The following CSMD1 variants were observed in gnomAD, a reference collection of about 807,000 sequenced individuals.
CSMD1 encodes CUB and sushi domain-containing protein 1.
In CSMD1, 213 loss-of-function variants were observed where a neutral mutation model predicts 417.5. The observed-to-expected ratio is 0.51, with a 90% CI of 0.46 to 0.57. CSMD1 has a LOEUF of 0.57. Among genes scored for constraint, CSMD1 ranks in the 20% least tolerant of loss-of-function variants. The probability of loss-of-function intolerance (pLI) is 0.00; values close to 1 mark genes in which losing one functional copy is unlikely to be tolerated. For missense variants in CSMD1, 6,923 were observed against 4,529.7 expected (o/e 1.53, Z -15.17); for synonymous variants, 2,862 against 1,736.8 (o/e 1.65, Z -16.11).
At chr8:4,905,849 G>A (rs1036424739) in intron 1 of CSMD1, among the ~76,000 whole-genome samples, 42 of 141,888 alleles carry the variant, frequency 3.0e-4, no homozygotes, top group Admixed American at 1.0e-3. Context: ...AAAAGAAAAA[G>A]TAAAAAAGAA....
intron 23 of CSMD1, among the ~76,000 whole-genome samples, chr8:3,336,896 G>C (rs184433207): frequency 1.3e-5 from 2 of 152,032 alleles, no homozygotes; most frequent in African/African-American, 4.8e-5. Flanking sequence ...AGTCCAACAA[G>C]CCTTCTCCAA....
At position 4,478,635 on chromosome 8, in the gene CSMD1, G is replaced by A. The variant is rs1257758131; in HGVS notation, c.303-58570C>T. Among the ~76,000 whole-genome samples the A allele has an allele frequency of 2.6e-5, 4 of 152,200 alleles. No homozygotes were observed. The East Asian group carries it at 5.8e-4, about 22-fold the overall frequency. On this transcript the variant is annotated intron_variant, in intron 2 of 69. Coordinates refer to ENST00000635120, the MANE Select transcript of CSMD1 (RefSeq NM_033225.6). ...GCAGGGCGTTATAAACTATCAGAGA[G>A]GAAACTATAAATTTTCTAATGTCAA...
At chr8:4,766,920 A>G (rs1480253304) in intron 1 of CSMD1, among the ~76,000 whole-genome samples, 7 of 152,228 alleles carry the variant, frequency 4.6e-5, no homozygotes, top group Non-Finnish European at 1.0e-4. Context: ...ATTAGGCCCT[A>G]TTAAAAATAT....
intron 1 of CSMD1, among the ~76,000 whole-genome samples, chr8:4,867,507 C>T (rs924979234): frequency 6.6e-6 from 1 of 152,104 alleles, no homozygotes; most frequent in South Asian, 2.1e-4. Context: ...TCCCAGCCAA[C>T]CTCGGATATA....
At chr8:4,993,647 G>C (rs1012504443) in intron 1 of CSMD1, among the ~76,000 whole-genome samples, 6 of 152,164 alleles carry the variant, frequency 3.9e-5, no homozygotes, top group African/African-American at 1.4e-4. Context: ...ATCTGACTTG[G>C]AAGCCGGTCC....
chr8:4,932,215 CATTTT>C (rs1193455751), intron 1 of CSMD1, among the ~76,000 whole-genome samples: 1 of 150,800 alleles, frequency 6.6e-6, no homozygotes, highest in East Asian at 1.9e-4. Context: ...TTGCTCCCTT[CATTTT>C]ATTTTGGGAA....
chr8:4,129,838 T>G (rs1802989399), intron 3 of CSMD1, among the ~76,000 whole-genome samples: 1 of 152,214 alleles, frequency 6.6e-6, no homozygotes, highest in South Asian at 2.1e-4. Flanking sequence ...CACCTTTTCT[T>G]TCCTAGATGG....
chr8:4,462,405 G>T (rs1284649883), intron 2 of CSMD1, among the ~76,000 whole-genome samples: 1 of 151,980 alleles, frequency 6.6e-6, no homozygotes, highest in African/African-American at 2.4e-5. Flanking sequence ...ATATAGATAA[G>T]ATGGCAATAC....
At chr8:4,208,529 T>C (rs956883332) in intron 3 of CSMD1, among the ~76,000 whole-genome samples, 5 of 152,236 alleles carry the variant, frequency 3.3e-5, no homozygotes, top group Admixed American at 6.5e-5. Flanking sequence ...TAAGAACAGA[T>C]TATATTTTTA....
At position 2,951,142 on chromosome 8, in the gene CSMD1, T is replaced by G. The variant is rs555329320; in HGVS notation, c.10173A>C (p.Glu3391Asp). The G allele has an allele frequency of 1.2e-6, 2 of 1,613,532 alleles. No individual in the cohort carries two copies. The highest frequency in any genetic ancestry group is 2.7e-5 in the African/African-American group (2 of 75,044). ...TCAACTTCAGCTCCACTGGCGAGGC[T>G]TCGCTGAAGGTGGCATTCACCTTAC... ...TSSKVNATFS[E>D]ASPVELKLTG... The change falls in exon 66 of 70, where the codon GAA becomes GAC. Residue 3391 changes from glutamate (E) to aspartate (D), a missense_variant. Glu to Asp is a conservative substitution (Grantham distance 45). Coordinates refer to ENST00000635120, the MANE Select transcript of CSMD1 (RefSeq NM_033225.6).
At chr8:4,439,338 C>T (rs1798330091) in intron 2 of CSMD1, among the ~76,000 whole-genome samples, 1 of 152,052 alleles carries the variant, frequency 6.6e-6, no homozygotes, top group South Asian at 2.1e-4. Context: ...TATAATTATT[C>T]AAAATTAAAG....
intron 3 of CSMD1, among the ~76,000 whole-genome samples, chr8:4,271,236 G>C (rs17334856): frequency 6.6e-6 from 1 of 152,104 alleles, no homozygotes; most frequent in Non-Finnish European, 1.5e-5. Flanking sequence ...ACACGAATCA[G>C]GGCGTAGTGG....
intron 2 of CSMD1, among the ~76,000 whole-genome samples, chr8:4,466,205 A>T (rs1214709946): frequency 6.6e-6 from 1 of 152,186 alleles, no homozygotes; most frequent in Admixed American, 6.5e-5. Flanking sequence ...TGATGCTTTT[A>T]TAATAGTGAG....
chr8:3,502,468 G>C (rs1004031577), intron 10 of CSMD1, among the ~76,000 whole-genome samples: 4 of 151,820 alleles, frequency 2.6e-5, no homozygotes, highest in African/African-American at 9.7e-5. Context: ...CAACCAATAT[G>C]TCCTTCAGCA....
chr8:4,656,683 G>T (rs76404259), intron 1 of CSMD1, among the ~76,000 whole-genome samples: 2,467 of 152,226 alleles, frequency 0.016, 39 homozygotes, highest in South Asian at 0.056. Context: ...GAATACAACT[G>T]CCCAGTTACC....
At chr8:3,511,984 C>G (rs1440119264) in intron 10 of CSMD1, among the ~76,000 whole-genome samples, 1 of 151,782 alleles carries the variant, frequency 6.6e-6, no homozygotes, top group Non-Finnish European at 1.5e-5. Flanking sequence ...ACAGTGAGGA[C>G]TCATGAGTTT....
rs570821095 is a variant in CSMD1, at chr8:4,088,127, G to A, written c.416-56028C>T. ...GAGGAAGGATAGCTGCAGTGGGGCT[G>A]TGAGGAGGACACTGCCCATTCTCAG... On this transcript the variant is annotated intron_variant, in intron 3 of 69. Coordinates refer to ENST00000635120, the MANE Select transcript of CSMD1 (RefSeq NM_033225.6). Among the ~76,000 whole-genome samples, 5 of 152,356 alleles carry A rather than the reference G, an allele frequency of 3.3e-5. No homozygotes were observed. The South Asian group carries it at 1.0e-3, about 32-fold the overall frequency.
chr8:4,172,274 G>A (rs75377972), intron 3 of CSMD1, among the ~76,000 whole-genome samples: 19 of 152,108 alleles, frequency 1.2e-4, no homozygotes, highest in South Asian at 2.1e-4. Context: ...AATCCTCTTT[G>A]TTTCCTCTTG....
intron 5 of CSMD1, among the ~76,000 whole-genome samples, chr8:3,890,546 C>G (rs986573144): frequency 2.0e-5 from 3 of 151,878 alleles, no homozygotes; most frequent in Admixed American, 1.3e-4. Context: ...CTCTATCTCT[C>G]AAAGGACAAA....
Sources: gnomAD v4.1 joint callset for allele counts (sites outside exome capture counted in the v4.1 genomes callset) on GRCh38, gnomAD v4.1.1 for gene constraint, MANE v1.5 for transcripts, NCBI Gene and HGNC (gene_info 2026-07-23, HGNC 2026-07-21) for gene names.